The following UBAC2 variants were observed in gnomAD, a reference collection of about 807,000 sequenced individuals.
UBAC2 encodes UBA domain containing 2.
UBAC2 carries 26 observed loss-of-function variants against 44.0 expected under a neutral mutation model. The ratio of observed to expected loss-of-function variants is 0.59; its 90% CI spans 0.43 to 0.82. The LOEUF is 0.82. Among genes scored for constraint, UBAC2 ranks in the 40% least tolerant of loss-of-function variants. The probability of loss-of-function intolerance (pLI) is 0.00; values close to 1 mark genes in which losing one functional copy is unlikely to be tolerated. For missense variants in UBAC2, 329 were observed against 419.4 expected (o/e 0.78, Z 1.88); for synonymous variants, 155 against 154.3 (o/e 1.00, Z -0.04).
intron 7 of UBAC2, among the ~76,000 whole-genome samples, chr13:99,354,556 C>T (rs1346465131): frequency 6.6e-6 from 1 of 152,192 alleles, no homozygotes; most frequent in African/African-American, 2.4e-5. Context: ...AAGCCACTTA[C>T]AGATGGGAAA....
intron 8 of UBAC2, among the ~76,000 whole-genome samples, chr13:99,379,814 A>G (rs1828863774): frequency 6.6e-6 from 1 of 152,246 alleles, no homozygotes; most frequent in Non-Finnish European, 1.5e-5. Flanking sequence ...TTTCTGTGCT[A>G]TAGATAAACA....
At chr13:99,303,980 C>G (rs1405293575) in intron 4 of UBAC2, among the ~76,000 whole-genome samples, 1 of 152,186 alleles carries the variant, frequency 6.6e-6, no homozygotes, top group African/African-American at 2.4e-5. Flanking sequence ...CCGTGTCTGT[C>G]TGTCTGCCTG....
intron 4 of UBAC2, chr13:99,307,884 G>A (rs2044359541): frequency 6.6e-6 from 1 of 152,198 alleles, no homozygotes; most frequent in African/African-American, 2.4e-5. Context: ...GAAAGAAACA[G>A]GTTTCTGTGG....
chr13:99,356,692 T>G (rs2045189527), intron 7 of UBAC2, among the ~76,000 whole-genome samples: 1 of 152,142 alleles, frequency 6.6e-6, no homozygotes, highest in Non-Finnish European at 1.5e-5. Context: ...CAATACACTG[T>G]TTTTATAGCA....
In UBAC2 at chr13:99,255,942, G is replaced by A. The variant is rs544209264; in HGVS notation, c.389+11318G>A. ...AGTTAAGAAAAATAAGAATAAAATC[G>A]TTGGTTAAAAAATAAATGCTTAACA... On this transcript the variant is annotated intron_variant, in intron 4 of 8. Transcript: ENST00000403766. The A allele has an allele frequency of 6.4e-5, 90 of 1,397,938 alleles. No homozygotes were observed. The South Asian group carries it at 9.8e-4, about 15-fold the overall frequency. The allele number at this position is 1,397,938 out of a possible 1,614,324, so 86.6% of individuals were successfully genotyped here. A position where few individuals can be genotyped will look rare whatever the true frequency, so the allele number is the denominator to read the frequency against.
chr13:99,316,168 T>C (rs1362204565), intron 5 of UBAC2, among the ~76,000 whole-genome samples: 1 of 152,082 alleles, frequency 6.6e-6, no homozygotes, highest in Non-Finnish European at 1.5e-5. Flanking sequence ...GATCAGAAAA[T>C]AGAGGTGGAG....
At chr13:99,335,154 A>G (rs1594138653) in intron 6 of UBAC2, among the ~76,000 whole-genome samples, 1 of 152,226 alleles carries the variant, frequency 6.6e-6, no homozygotes, top group East Asian at 1.9e-4. Context: ...CAAATCAACA[A>G]TCACAGTTGA....
chr13:99,319,165 T>C (rs1411863422), intron 6 of UBAC2, among the ~76,000 whole-genome samples: 2 of 152,178 alleles, frequency 1.3e-5, no homozygotes, highest in Non-Finnish European at 2.9e-5. Context: ...GTCTATGCTA[T>C]TGTATTTTAA....
At chr13:99,237,351 A>G (rs1369891563) in intron 1 of UBAC2, among the ~76,000 whole-genome samples, 1 of 152,090 alleles carries the variant, frequency 6.6e-6, no homozygotes, top group Non-Finnish European at 1.5e-5. Flanking sequence ...TTGCAGCCAC[A>G]TGGATGGAAC....
intron 1 of UBAC2, among the ~76,000 whole-genome samples, chr13:99,214,189 C>G (rs1432469493): frequency 3.4e-5 from 5 of 148,752 alleles, no homozygotes; most frequent in Non-Finnish European, 5.9e-5. Flanking sequence ...TTTCTTCAAT[C>G]TTGTATCATT....
At chr13:99,261,988 C>A (rs2043669495) in intron 4 of UBAC2, among the ~76,000 whole-genome samples, 1 of 152,186 alleles carries the variant, frequency 6.6e-6, no homozygotes, top group African/African-American at 2.4e-5. Flanking sequence ...ATAAACAATT[C>A]ATAAGTTTTC....
intron 2 of UBAC2, 90 bp downstream of exon 2, chr13:99,238,644 C>CCTTT: frequency 5.2e-6 from 6 of 1,163,528 alleles, no homozygotes; most frequent in Non-Finnish European, 6.9e-6. Context: ...CTGTTAGTCC[C>CCTTT]TCAAAGCCCC....
chr13:99,255,839 G>A (rs1016659191), intron 4 of UBAC2: 6 of 1,598,764 alleles, frequency 3.8e-6, no homozygotes, highest in Non-Finnish European at 5.1e-6. Context: ...CTGTTAAAAG[G>A]GACAGGTTGA....
At chr13:99,355,015 G>C (rs532152688) in intron 7 of UBAC2, among the ~76,000 whole-genome samples, 7 of 152,280 alleles carry the variant, frequency 4.6e-5, no homozygotes, top group Non-Finnish European at 8.8e-5. Flanking sequence ...AACGCAGATA[G>C]GCAAGTGCGG....
At chr13:99,242,495 C>T (rs2043318807) in intron 2 of UBAC2, among the ~76,000 whole-genome samples, 1 of 141,510 alleles carries the variant, frequency 7.1e-6, no homozygotes, top group African/African-American at 2.6e-5. Context: ...GGCGGCTGGC[C>T]GGGCGGGGGG....
intron 7 of UBAC2, among the ~76,000 whole-genome samples, chr13:99,357,587 C>G (rs180882959): frequency 6.6e-6 from 1 of 152,322 alleles, no homozygotes; most frequent in Non-Finnish European, 1.5e-5. Context: ...TTCCACAGAG[C>G]ACAGGGAATT....
intron 4 of UBAC2, among the ~76,000 whole-genome samples, chr13:99,267,724 C>T (rs1441621390): frequency 3.9e-5 from 6 of 152,042 alleles, no homozygotes; most frequent in African/African-American, 7.3e-5. Flanking sequence ...ATTCTTGGTC[C>T]CTGCTGTTCT....
At chr13:99,378,875 T>A (rs957320278) in intron 8 of UBAC2, among the ~76,000 whole-genome samples, 4 of 152,272 alleles carry the variant, frequency 2.6e-5, no homozygotes, top group East Asian at 1.9e-4. Context: ...TTCATTGATC[T>A]AAGAATACCT....
intron 4 of UBAC2, among the ~76,000 whole-genome samples, chr13:99,300,413 A>G (rs2044241338): frequency 6.6e-6 from 1 of 152,152 alleles, no homozygotes; most frequent in Admixed American, 6.5e-5. Context: ...TCTTGCTTAT[A>G]TTTATCCTGT....
Sources: gnomAD v4.1 joint callset for allele counts (sites outside exome capture counted in the v4.1 genomes callset) on GRCh38, gnomAD v4.1.1 for gene constraint, MANE v1.5 for transcripts, NCBI Gene and HGNC (gene_info 2026-07-23, HGNC 2026-07-21) for gene names.